The following SEMA5A variants were observed in gnomAD, a reference collection of about 807,000 sequenced individuals.
SEMA5A encodes the protein semaphorin-5A.
In SEMA5A, 55 loss-of-function variants were observed where a neutral mutation model predicts 135.5. That is an observed-to-expected ratio of 0.41 (90% CI 0.33 to 0.51). SEMA5A has a LOEUF of 0.51. Ranked by LOEUF, SEMA5A falls within the 20% of genes least tolerant of loss-of-function variation. The probability of loss-of-function intolerance (pLI) is 0.37; values close to 1 mark genes in which losing one functional copy is unlikely to be tolerated. For missense variants in SEMA5A, 1,290 were observed against 1,419.9 expected (o/e 0.91, Z 1.47); for synonymous variants, 580 against 546.5 (o/e 1.06, Z -0.85).
chr5:9,359,587 G>A (rs1303865908), intron 3 of SEMA5A, among the ~76,000 whole-genome samples: 3 of 152,162 alleles, frequency 2.0e-5, no homozygotes, highest in African/African-American at 7.2e-5. Context: ...TTCCTTTCCT[G>A]AAGGTCATGA....
intron 5 of SEMA5A, among the ~76,000 whole-genome samples, chr5:9,297,322 C>T (rs1751387541): frequency 6.6e-6 from 1 of 151,974 alleles, no homozygotes; most frequent in Admixed American, 6.6e-5. Context: ...TGACTGTGTC[C>T]TCTGAGAAAT....
intron 1 of SEMA5A, among the ~76,000 whole-genome samples, chr5:9,484,009 A>G (rs1236345619): frequency 6.6e-6 from 1 of 152,212 alleles, no homozygotes. Context: ...CTCATTCTAT[A>G]TTCACAGAAT....
intron 2 of SEMA5A, among the ~76,000 whole-genome samples, chr5:9,417,954 G>A (rs1445310433): frequency 2.7e-5 from 4 of 150,898 alleles, no homozygotes; most frequent in Non-Finnish European, 2.9e-5. Context: ...GCAGAGCACA[G>A]GAGCAAGTTC....
At chr5:9,393,694 G>A (rs1250031548) in intron 2 of SEMA5A, among the ~76,000 whole-genome samples, 1 of 152,086 alleles carries the variant, frequency 6.6e-6, no homozygotes, top group Non-Finnish European at 1.5e-5. Context: ...AAATCTTGTA[G>A]GAAAGACACG....
At chr5:9,421,188 A>G (rs537916549) in intron 2 of SEMA5A, among the ~76,000 whole-genome samples, 1 of 152,346 alleles carries the variant, frequency 6.6e-6, no homozygotes, top group Non-Finnish European at 1.5e-5. Context: ...TGTTTCTGCA[A>G]TAACATACAA....
intron 5 of SEMA5A, among the ~76,000 whole-genome samples, chr5:9,240,629 C>T (rs1006506107): frequency 3.3e-5 from 5 of 151,746 alleles, no homozygotes; most frequent in Admixed American, 6.6e-5. Context: ...TCTTATTTCT[C>T]ACAGTGACGC....
intron 3 of SEMA5A, among the ~76,000 whole-genome samples, chr5:9,356,185 A>G (rs1754437440): frequency 6.6e-6 from 1 of 152,160 alleles, no homozygotes; most frequent in Non-Finnish European, 1.5e-5. Flanking sequence ...GGTTACCTTG[A>G]GAGACAGAGG....
chr5:9,478,936 G>T (rs1212630570), intron 1 of SEMA5A, among the ~76,000 whole-genome samples: 1 of 152,134 alleles, frequency 6.6e-6, no homozygotes, highest in Non-Finnish European at 1.5e-5. Context: ...ATCTCGAATT[G>T]TAATCCCCAC....
chr5:9,265,725 C>A (rs1749651583), intron 5 of SEMA5A, among the ~76,000 whole-genome samples: 1 of 152,192 alleles, frequency 6.6e-6, no homozygotes, highest in African/African-American at 2.4e-5. Flanking sequence ...GAGCTGTCCA[C>A]TTAGCGTCTG....
chr5:9,352,086 T>A (rs529861922), intron 3 of SEMA5A, among the ~76,000 whole-genome samples: 2 of 54,498 alleles, frequency 3.7e-5, no homozygotes, highest in Non-Finnish European at 6.5e-5. Context: ...CTAATGAATG[T>A]AACAGGTCGG....
rs184629093 is a variant in SEMA5A, at chr5:9,359,239, C to A, written c.124+20584G>T. On this transcript the variant is annotated intron_variant, in intron 3 of 22. Transcript: ENST00000382496. ...TCTAGCCTCTGCTCTGTTCCATAAGCACCATGGGTTCATGGACTAGTTAAT... is the reference window on the plus strand; with the variant it reads ...TCTAGCCTCTGCTCTGTTCCATAAGAACCATGGGTTCATGGACTAGTTAAT... Among the ~76,000 whole-genome samples the A allele has an allele frequency of 2.1e-3, 317 of 152,326 alleles. 2 individuals carry two copies. The highest frequency in any genetic ancestry group is 6.8e-3 in the Middle Eastern group (2 of 294).
intron 5 of SEMA5A, among the ~76,000 whole-genome samples, chr5:9,242,409 T>C (rs1237432934): frequency 6.6e-6 from 1 of 152,230 alleles, no homozygotes; most frequent in African/African-American, 2.4e-5. Flanking sequence ...CTTTACTTCC[T>C]AGTGGATATT....
intron 15 of SEMA5A, among the ~76,000 whole-genome samples, chr5:9,110,127 T>C (rs569565739): frequency 1.3e-5 from 2 of 152,220 alleles, no homozygotes; most frequent in South Asian, 4.2e-4. Context: ...CGAAAGATCA[T>C]TGAGAAGAAC....
At chr5:9,394,670 G>A (rs917683402) in intron 2 of SEMA5A, among the ~76,000 whole-genome samples, 2 of 152,162 alleles carry the variant, frequency 1.3e-5, no homozygotes, top group African/African-American at 4.8e-5. Context: ...TGTCAACGAA[G>A]TGGAAATAAA....
intron 11 of SEMA5A, among the ~76,000 whole-genome samples, chr5:9,173,737 C>A (rs1180881796): frequency 6.6e-6 from 1 of 152,202 alleles, no homozygotes; most frequent in East Asian, 1.9e-4. Context: ...TGGTTAATGA[C>A]AGGCTCCTTT....
chr5:9,174,847 T>C (rs1163067718), intron 11 of SEMA5A, among the ~76,000 whole-genome samples: 1 of 152,196 alleles, frequency 6.6e-6, no homozygotes, highest in Non-Finnish European at 1.5e-5. Context: ...ACCGTGCCCT[T>C]CATGTTAGAC....
rs1373148227 is a variant in SEMA5A, at chr5:9,035,743, A to G, written c.*7154T>C. The G allele has an allele frequency of 6.6e-6, 1 of 152,156 alleles. No homozygotes were observed. Among genetic ancestry groups the G allele is most frequent in the Non-Finnish European group, 1.5e-5 (1 of 68,024 alleles). The allele number at this position is 152,156 out of a possible 1,614,324, so 9.4% of individuals were successfully genotyped here. A position where few individuals can be genotyped will look rare whatever the true frequency, so the allele number is the denominator to read the frequency against. ...GATTGAAAGAAAGTGTGGTGTGTCCATGGCCCCCTTACAAAGGACCCAGCA... is the reference window on the plus strand; with the variant it reads ...GATTGAAAGAAAGTGTGGTGTGTCCGTGGCCCCCTTACAAAGGACCCAGCA... On this transcript the variant is annotated 3_prime_UTR_variant, in exon 23 of 23. Coordinates refer to ENST00000382496, the MANE Select transcript of SEMA5A (RefSeq NM_003966.3).
chr5:9,513,536 G>A (rs1736336572), intron 1 of SEMA5A, among the ~76,000 whole-genome samples: 1 of 152,184 alleles, frequency 6.6e-6, no homozygotes, highest in South Asian at 2.1e-4. Flanking sequence ...AGGTTGGGAA[G>A]AAAGAGATCA....
rs113944439 is a variant in SEMA5A at position 9,407,471 on chromosome 5, C to G, written c.-77-27448G>C. Among the ~76,000 whole-genome samples the G allele has an allele frequency of 2.9e-3, 435 of 152,302 alleles. 2 individuals are homozygous for G. The highest frequency in any genetic ancestry group is 4.2e-3 in the Non-Finnish European group (286 of 68,034). On this transcript the variant is annotated intron_variant, in intron 2 of 22. Coordinates refer to ENST00000382496, the MANE Select transcript of SEMA5A (RefSeq NM_003966.3). ...TGTTACCACAGTAATAAGGACAGCA[C>G]AGTTTGGTAAATGAAGTGAACATTG...
Sources: gnomAD v4.1 joint callset for allele counts (sites outside exome capture counted in the v4.1 genomes callset) on GRCh38, gnomAD v4.1.1 for gene constraint, MANE v1.5 for transcripts, NCBI Gene and HGNC (gene_info 2026-07-23, HGNC 2026-07-21) for gene names.